SLC11A2: variants seen among roughly 807,000 people sequenced by gnomAD.
The protein encoded by SLC11A2 is natural resistance-associated macrophage protein 2.
In SLC11A2, 38 loss-of-function variants were observed where a neutral mutation model predicts 68.0. That is an observed-to-expected ratio of 0.56 (90% confidence interval 0.43 to 0.73). SLC11A2 has a LOEUF of 0.73. Among genes scored for constraint, SLC11A2 ranks in the 30% least tolerant of loss-of-function variants. The pLI is 0.00. For missense variants in SLC11A2, 517 were observed against 690.5 expected, an observed-to-expected ratio of 0.75 and a Z score of 2.82; for synonymous variants, 242 against 250.6, an observed-to-expected ratio of 0.97 and a Z score of 0.32.
chr12:50,992,667 G>A (rs1941276626), intron 12 of SLC11A2, 143 bp downstream of exon 12: 4 of 825,738 alleles, frequency 4.8e-6, no homozygotes, highest in Non-Finnish European at 7.8e-6. Flanking sequence ...GGGAGGTGGA[G>A]GTTGCAGTGA....
At chr12:51,008,231 T>TAGAC (rs1566020119) in intron 3 of SLC11A2, 17 of 288,590 alleles carry the variant, frequency 5.9e-5, no homozygotes, top group Non-Finnish European at 8.7e-5. Context: ...GACAGATAGA[T>TAGAC]AGATAGATAG....
chr12:51,014,627 G>A (rs1178439946), intron 1 of SLC11A2, among the ~76,000 whole-genome samples: 6 of 152,112 alleles, frequency 3.9e-5, no homozygotes, highest in East Asian at 3.9e-4. Flanking sequence ...TGAAGTGGGC[G>A]GATCACCTGA....
the SLC11A2 span, among the ~76,000 whole-genome samples, chr12:50,955,595 G>C: frequency 7.1e-4 from 108 of 152,220 alleles, 2 homozygotes; most frequent in East Asian, 0.02. Flanking sequence ...AGATGTTCCC[G>C]TTAAGTGTTA....
downstream of SLC11A2, among the ~76,000 whole-genome samples, chr12:50,982,870 G>A (rs1247559115): frequency 2.0e-5 from 3 of 151,472 alleles, no homozygotes; most frequent in African/African-American, 7.3e-5. Context: ...GAATCCAGGA[G>A]GCAGAGGCTG....
At position 50,994,513 on chromosome 12, in the gene SLC11A2, G is replaced by A. The variant is rs766057649; in HGVS notation, c.1077+31C>T. ...TACTATGCTAAAAATACTGATTCAG[G>A]AACAAAGATCACAAATCCAAACATG... On this transcript the variant is annotated intron_variant, in intron 11 of 15. Transcript: ENST00000262052. The A allele has an allele frequency of 4.0e-5, 56 of 1,392,530 alleles. No homozygotes were observed. In the Middle Eastern group the frequency reaches 1.6e-3, roughly 40 times the overall value. The allele number at this position is 1,392,530 out of a possible 1,614,324, so 86.3% of individuals were successfully genotyped here.
intron 11 of SLC11A2, among the ~76,000 whole-genome samples, chr12:50,993,346 A>G (rs913326409): frequency 6.6e-6 from 1 of 152,182 alleles, no homozygotes; most frequent in African/African-American, 2.4e-5. Flanking sequence ...GAGGATCACA[A>G]TGTAACCAGC....
At chr12:50,961,220 G>A in the SLC11A2 span, 1 of 1,054,514 alleles carries the variant, frequency 9.5e-7, no homozygotes, top group South Asian at 1.7e-5. Flanking sequence ...GAGAGGGGTA[G>A]GAAAGACTGA....
At chr12:50,954,113 G>C in the SLC11A2 span, 36 of 1,423,562 alleles carry the variant, frequency 2.5e-5, no homozygotes, top group East Asian at 8.0e-4. Context: ...GCCTTGACTG[G>C]ATGCAGAAAA....
Position 50,996,982 on chromosome 12 carries a change from A to G in SLC11A2, c.676-10T>C. The G allele has an allele frequency of 6.8e-6, 11 of 1,613,068 alleles. No individual in the cohort carries two copies. The highest frequency in any genetic ancestry group is 9.3e-6 in the Non-Finnish European group (11 of 1,179,032). On this transcript the variant is annotated splice_polypyrimidine_tract_variant and intron_variant, in intron 8 of 15. Coordinates refer to ENST00000262052, the MANE Select transcript of SLC11A2 (RefSeq NM_000617.3). ...GTTTCACTGTAACATACTACATACCAACATAACAATGATTAGCCTTTACAG... is the reference window on the plus strand; with the variant it reads ...GTTTCACTGTAACATACTACATACCGACATAACAATGATTAGCCTTTACAG...
In SLC11A2 at chr12:50,987,905, C is replaced by G. The variant is rs886049564; in HGVS notation, c.*420G>C. 12 of 1,273,390 alleles carry G rather than the reference C, an allele frequency of 9.4e-6. No homozygotes were observed. The South Asian group carries it at 1.5e-4, about 16-fold the overall frequency. 78.9% of individuals were successfully genotyped at this position (1,273,390 alleles called of 1,614,324 possible). A position where few individuals can be genotyped will look rare whatever the true frequency, so the allele number is the denominator to read the frequency against. ...GAAAATTTCTCAGCCTTTAAAAATC[C>G]ATTACATTTTGATAAATAAAACTTG... On this transcript the variant is annotated 3_prime_UTR_variant, in exon 16 of 16. Transcript: ENST00000262052.
intron 15 of SLC11A2, 99 bp from the exon 16 acceptor site, chr12:50,988,534 C>T: frequency 6.4e-7 from 1 of 1,563,442 alleles, no homozygotes; most frequent in Non-Finnish European, 8.6e-7. Context: ...CTTCCTTGAA[C>T]ATCCAGCTGT....
intron 14 of SLC11A2, 111 bp from the exon 15 acceptor site, chr12:50,991,059 CTT>C: frequency 1.0e-6 from 1 of 989,646 alleles, no homozygotes. Flanking sequence ...AAAAATTGTT[CTT>C]AATTTGAAAA....
chr12:50,969,724 A>G, the SLC11A2 span, among the ~76,000 whole-genome samples: 1 of 151,740 alleles, frequency 6.6e-6, no homozygotes, highest in African/African-American at 2.4e-5. Flanking sequence ...AACAAAAACA[A>G]AACGTCATAC....
the SLC11A2 span, among the ~76,000 whole-genome samples, chr12:50,957,113 G>A: frequency 6.6e-6 from 1 of 151,622 alleles, no homozygotes; most frequent in Non-Finnish European, 1.5e-5. Flanking sequence ...TTATTAAATG[G>A]ATCATGAAAG....
intron 1 of SLC11A2, among the ~76,000 whole-genome samples, chr12:51,023,589 G>GAC (rs1445726249): frequency 6.6e-6 from 1 of 152,148 alleles, no homozygotes; most frequent in Non-Finnish European, 1.5e-5. Flanking sequence ...TCAGAGAGAT[G>GAC]ATAATAATGA....
At chr12:50,971,723 T>A in the SLC11A2 span, among the ~76,000 whole-genome samples, 1 of 152,134 alleles carries the variant, frequency 6.6e-6, no homozygotes, top group Non-Finnish European at 1.5e-5. Flanking sequence ...TGAAATAAAA[T>A]CAAGAATATA....
intron 3 of SLC11A2, chr12:51,005,664 A>G: frequency 7.4e-7 from 1 of 1,357,600 alleles, no homozygotes; most frequent in Non-Finnish European, 9.7e-7. Flanking sequence ...TGCAGGTTCC[A>G]TCAGCCTCTT....
chr12:51,026,458 C>T, upstream of SLC11A2: 1 of 830,684 alleles, frequency 1.2e-6, no homozygotes, highest in Non-Finnish European at 1.7e-6. Context: ...GGAGTCCCTG[C>T]AGCGGCCGGG....
intron 3 of SLC11A2, among the ~76,000 whole-genome samples, chr12:51,007,783 G>A (rs182118478): frequency 3.8e-4 from 58 of 152,290 alleles, no homozygotes; most frequent in Admixed American, 1.5e-3. Flanking sequence ...TGGGACTACA[G>A]GTGCATACCA....
Sources: allele counts gnomAD v4.1 joint callset (sites outside exome capture counted in the v4.1 genomes callset), GRCh38; gene constraint gnomAD v4.1.1; transcripts MANE v1.5; gene names NCBI Gene and HGNC (gene_info 2026-07-23, HGNC 2026-07-21).